LARGE1: variants seen among roughly 807,000 people sequenced by gnomAD.
LARGE1 encodes the protein xylosyl- and glucuronyltransferase LARGE1.
A neutral mutation model predicts 87.6 loss-of-function variants in LARGE1; 43 were observed. The observed-to-expected ratio is 0.49, with a 90% CI of 0.38 to 0.63. The LOEUF (loss-of-function observed/expected upper bound fraction) is 0.63. LARGE1 is among the 30% of genes least tolerant of loss of function. The pLI is 0.00. For missense variants in LARGE1, 802 were observed against 1,000.2 expected (o/e 0.80, Z 2.67); for synonymous variants, 434 against 394.6 (o/e 1.10, Z -1.18).
chr22:33,076,701 A>G, the LARGE1 span, among the ~76,000 whole-genome samples: 3 of 152,172 alleles, frequency 2.0e-5, no homozygotes, highest in Non-Finnish European at 4.4e-5. Flanking sequence ...GATCTGTCCA[A>G]TAGTGTTTAT....
At chr22:33,165,436 G>T (rs1922217372) in exon 12 of LARGE1, 1 of 152,102 alleles carries the variant, frequency 6.6e-6, no homozygotes, top group South Asian at 2.1e-4. Context: ...TCTCCCATAG[G>T]TTCTGAGAAA....
intron 11 of LARGE1, among the ~76,000 whole-genome samples, chr22:33,239,535 C>CTTTTTTTTTTTTTTTTTTTTTTT (rs71187254): frequency 2.1e-5 from 2 of 95,292 alleles, no homozygotes; most frequent in African/African-American, 7.9e-5. Context: ...TTTTTCTTTT[C>CTTTTTTTTTTTTTTTTTTTTTTT]TTTTTTTTTT....
intron 2 of LARGE1, among the ~76,000 whole-genome samples, chr22:33,719,057 G>A (rs1340095628): frequency 6.6e-6 from 1 of 152,062 alleles, no homozygotes; most frequent in Non-Finnish European, 1.5e-5. Context: ...CCAAAGTGCT[G>A]GGATTACAGC....
intron 1 of LARGE1, among the ~76,000 whole-genome samples, chr22:33,890,710 G>A (rs1246691079): frequency 6.9e-6 from 1 of 144,506 alleles, no homozygotes; most frequent in Non-Finnish European, 1.5e-5. Flanking sequence ...TATTCAAAAG[G>A]ACCATGAGCT....
intron 9 of LARGE1, among the ~76,000 whole-genome samples, chr22:33,365,071 A>T (rs967522794): frequency 6.6e-6 from 1 of 152,088 alleles, no homozygotes; most frequent in Non-Finnish European, 1.5e-5. Context: ...TTTTTGATAT[A>T]AAAAGACTTG....
intron 7 of LARGE1, among the ~76,000 whole-genome samples, chr22:33,396,917 T>C (rs1322021137): frequency 1.3e-5 from 2 of 152,234 alleles, no homozygotes; most frequent in Admixed American, 6.5e-5. Flanking sequence ...CAGAGTACTT[T>C]TGTTTTTTGC....
At chr22:33,082,017 G>A in the LARGE1 span, among the ~76,000 whole-genome samples, 301 of 152,208 alleles carry the variant, frequency 2.0e-3, 10 homozygotes, top group East Asian at 0.047. Flanking sequence ...TGTTATTGTC[G>A]TTGTTATTAT....
At chr22:33,142,234 C>T in the LARGE1 span, among the ~76,000 whole-genome samples, 22 of 152,190 alleles carry the variant, frequency 1.4e-4, no homozygotes, top group African/African-American at 4.8e-4. Flanking sequence ...TGGCTTTGTG[C>T]TGCTCCTTCT....
intron 6 of LARGE1, among the ~76,000 whole-genome samples, chr22:33,542,768 A>AT (rs1306285349): frequency 6.6e-6 from 1 of 151,770 alleles, no homozygotes; most frequent in South Asian, 2.1e-4. Context: ...ACTCAAATCC[A>AT]TTTATTTTAC....
intron 5 of LARGE1, among the ~76,000 whole-genome samples, chr22:33,566,093 A>G (rs973653334): frequency 5.0e-3 from 12 of 2,394 alleles, no homozygotes; most frequent in Non-Finnish European, 0.033. Context: ...TGACCTTACA[A>G]ATACCATGTT....
intron 1 of LARGE1, among the ~76,000 whole-genome samples, chr22:33,810,943 C>T (rs138507501): frequency 1.6e-4 from 25 of 152,184 alleles, no homozygotes; most frequent in African/African-American, 5.1e-4. Flanking sequence ...AGGATGATCT[C>T]GATCTCCTGA....
chr22:33,127,836 G>T, the LARGE1 span, among the ~76,000 whole-genome samples: 7 of 152,202 alleles, frequency 4.6e-5, no homozygotes, highest in African/African-American at 1.7e-4. Context: ...ATTTCCTAGA[G>T]TCATAGAGTG....
At chr22:33,810,014 C>T (rs1293884987) in intron 1 of LARGE1, among the ~76,000 whole-genome samples, 1 of 152,122 alleles carries the variant, frequency 6.6e-6, no homozygotes, top group Non-Finnish European at 1.5e-5. Flanking sequence ...GTGTTGCTAC[C>T]ACCCAGGAGA....
the LARGE1 span, among the ~76,000 whole-genome samples, chr22:33,153,083 G>A: frequency 0.42 from 64,177 of 151,944 alleles, 13,980 homozygotes; most frequent in South Asian, 0.68. Flanking sequence ...TTTATTTTCC[G>A]TATTTATCAC....
chr22:33,178,088 C>T (rs5994688), intron 11 of LARGE1, among the ~76,000 whole-genome samples: 1 of 151,928 alleles, frequency 6.6e-6, no homozygotes. Flanking sequence ...TTGTAAATTA[C>T]CCGGTCTTAG....
chr22:33,366,930 A>T (rs2064615929), intron 9 of LARGE1, among the ~76,000 whole-genome samples: 1 of 152,042 alleles, frequency 6.6e-6, no homozygotes, highest in Non-Finnish European at 1.5e-5. Context: ...TCCTTGGATT[A>T]AAAAAAATTG....
chr22:33,692,570 C>G (rs2082127133), intron 2 of LARGE1, among the ~76,000 whole-genome samples: 1 of 152,350 alleles, frequency 6.6e-6, no homozygotes, highest in South Asian at 2.1e-4. Flanking sequence ...CTTGGCCTCC[C>G]AAAGTGGTGG....
intron 7 of LARGE1, among the ~76,000 whole-genome samples, chr22:33,396,463 CAG>C (rs3071529): frequency 0.019 from 1,933 of 104,294 alleles, 45 homozygotes; most frequent in African/African-American, 0.052. Flanking sequence ...GAGAGAGTGA[CAG>C]AGAGAGAGAG....
intron 11 of LARGE1, among the ~76,000 whole-genome samples, chr22:33,258,899 A>G (rs1927463710): frequency 6.7e-6 from 1 of 148,604 alleles, no homozygotes; most frequent in South Asian, 2.1e-4. Flanking sequence ...TTTTTCCAAG[A>G]CATAGTCTTG....
Sources: gnomAD v4.1 joint callset for allele counts (sites outside exome capture counted in the v4.1 genomes callset) on GRCh38, gnomAD v4.1.1 for gene constraint, MANE v1.5 for transcripts, NCBI Gene and HGNC (gene_info 2026-07-23, HGNC 2026-07-21) for gene names.